MTOR: variants seen among roughly 807,000 people sequenced by gnomAD.
MTOR encodes serine/threonine-protein kinase mTOR.
MTOR carries 70 observed loss-of-function variants against 319.8 expected under a neutral mutation model. The ratio of observed to expected loss-of-function variants is 0.22; its 90% confidence interval spans 0.18 to 0.27. MTOR has a LOEUF of 0.27. Ranked by LOEUF, MTOR falls within the 10% of genes least tolerant of loss-of-function variation. The probability of loss-of-function intolerance (pLI) is 1.00; values close to 1 mark genes in which losing one functional copy is unlikely to be tolerated. For missense variants in MTOR, 1,890 were observed against 3,274.4 expected (o/e 0.58, Z 10.32); for synonymous variants, 1,183 against 1,211.4 (o/e 0.98, Z 0.49).
intron 28 of MTOR, among the ~76,000 whole-genome samples, chr1:11,198,847 AG>A (rs1439396949): frequency 1.3e-5 from 2 of 152,228 alleles, no homozygotes; most frequent in Admixed American, 1.3e-4. Context: ...AGGCATCAAT[AG>A]ATTTAGTTGA....
intron 3 of MTOR, among the ~76,000 whole-genome samples, chr1:11,258,111 A>C (rs1650661225): frequency 1.3e-5 from 2 of 151,618 alleles, no homozygotes; most frequent in Non-Finnish European, 2.9e-5. Context: ...CCATCTCAAA[A>C]AAAAAAAAAA....
At chr1:11,139,704 G>A in intron 34 of MTOR, 46 bp from the exon 35 acceptor site, 2 of 1,611,520 alleles carry the variant, frequency 1.2e-6, no homozygotes, top group Non-Finnish European at 1.7e-6. Context: ...CTGATACATT[G>A]TTTTTGTGGC....
intron 29 of MTOR, among the ~76,000 whole-genome samples, chr1:11,166,433 A>G (rs1486655507): frequency 6.6e-6 from 1 of 152,236 alleles, no homozygotes; most frequent in Admixed American, 6.5e-5. Context: ...AAAAGTGGGC[A>G]AAGGAGATGA....
chr1:11,204,083 T>C (rs1176067446), intron 26 of MTOR, among the ~76,000 whole-genome samples: 2 of 152,178 alleles, frequency 1.3e-5, no homozygotes, highest in African/African-American at 2.4e-5. Flanking sequence ...CAGCCTTGAA[T>C]GCGGATCCTC....
intron 36 of MTOR, among the ~76,000 whole-genome samples, chr1:11,136,058 C>T (rs888656302): frequency 6.6e-6 from 1 of 152,034 alleles, no homozygotes; most frequent in Non-Finnish European, 1.5e-5. Flanking sequence ...TTGCTTGAAC[C>T]TGGAGGCAGA....
At chr1:11,185,636 A>G (rs1645295131) in intron 28 of MTOR, among the ~76,000 whole-genome samples, 1 of 152,086 alleles carries the variant, frequency 6.6e-6, no homozygotes, top group African/African-American at 2.4e-5. Flanking sequence ...ACAGGACTCT[A>G]AGAGAAGGCC....
chr1:11,205,333 C>G (rs1026958584), intron 25 of MTOR, among the ~76,000 whole-genome samples: 1 of 152,134 alleles, frequency 6.6e-6, no homozygotes, highest in African/African-American at 2.4e-5. Context: ...GTGTAGTGGG[C>G]AACAGCTACA....
chr1:11,135,996 G>A (rs1190634489), intron 36 of MTOR, among the ~76,000 whole-genome samples: 4 of 152,042 alleles, frequency 2.6e-5, no homozygotes, highest in African/African-American at 4.8e-5. Context: ...TTAGCTGGGC[G>A]TGGTGGTGGC....
chr1:11,132,033 C>A (rs1643187953), intron 38 of MTOR: 1 of 152,126 alleles, frequency 6.6e-6, no homozygotes, highest in Non-Finnish European at 1.5e-5. Context: ...TCAAGGTGAA[C>A]AAGACAAACA....
At chr1:11,132,837 C>T (rs1333631850) in intron 38 of MTOR, 1 of 443,274 alleles carries the variant, frequency 2.3e-6, no homozygotes, top group East Asian at 3.8e-5. Context: ...GCAGCAATCC[C>T]CAACACCACA....
intron 29 of MTOR, among the ~76,000 whole-genome samples, chr1:11,161,634 G>A (rs942313441): frequency 2.6e-5 from 4 of 152,156 alleles, no homozygotes; most frequent in African/African-American, 9.7e-5. Context: ...TGCAATATTC[G>A]CTGTTCTGCA....
chr1:11,209,297 A>C lies in MTOR; in HGVS notation c.3801+15T>G, dbSNP rs1294252315. ...AGAGCTCTCCTTTCCCAGTCACCTG[A>C]AACAATGGACTTGCCTTTTGGAGGT... is the stretch of plus-strand genomic sequence containing the variant. On this transcript the variant is annotated intron_variant, in intron 25 of 57. Coordinates refer to ENST00000361445, the MANE Select transcript of MTOR (RefSeq NM_004958.4). 1.2e-6 allele frequency: 2 copies of C among 1,614,124 alleles called. No individual in the cohort carries two copies. The highest frequency in any genetic ancestry group is 1.3e-5 in the African/African-American group (1 of 75,052).
chr1:11,239,074 T>C (rs1179739474), intron 11 of MTOR, among the ~76,000 whole-genome samples: 3 of 152,086 alleles, frequency 2.0e-5, no homozygotes, highest in African/African-American at 7.2e-5. Context: ...GCGCCAGGCC[T>C]GACCCAGAAC....
intron 26 of MTOR, among the ~76,000 whole-genome samples, chr1:11,202,162 G>A (rs1213683257): frequency 6.6e-6 from 1 of 152,144 alleles, no homozygotes; most frequent in Non-Finnish European, 1.5e-5. Flanking sequence ...GGGCACAGTG[G>A]CTCATGCCTG....
At position 11,128,821 on chromosome 1, in the gene MTOR, G is replaced by C; in HGVS notation, c.5811+34C>G. The C allele has an allele frequency of 6.4e-7, 1 of 1,559,694 alleles. No individual in the cohort carries two copies. The highest frequency in any genetic ancestry group is 8.8e-7 in the Non-Finnish European group (1 of 1,133,108). On this transcript the variant is annotated intron_variant, in intron 41 of 57. Coordinates refer to ENST00000361445, the MANE Select transcript of MTOR (RefSeq NM_004958.4). This position sits in a 1 kb window ranked among gnomAD's most constrained non-coding sequence, Gnocchi z 5.3. ...GAGGAGACACACAGAAGAGAGACTT[G>C]GAGCCACCTTCACCTGTAACCAAGT...
chr1:11,136,337 C>A (rs1643415693), intron 36 of MTOR, among the ~76,000 whole-genome samples: 1 of 152,224 alleles, frequency 6.6e-6, no homozygotes, highest in African/African-American at 2.4e-5. Context: ...GAGGACAGGG[C>A]AGGCACACAG....
chr1:11,177,321 G>T (rs1182434305), intron 28 of MTOR, among the ~76,000 whole-genome samples: 1 of 152,144 alleles, frequency 6.6e-6, no homozygotes, highest in Admixed American at 6.5e-5. Context: ...ACCTTGGGAG[G>T]CCGAGACAGG....
Position 11,210,808 on chromosome 1 carries a change from G to C in MTOR, c.3654+6C>G, listed in dbSNP as rs1441155947. ...GACTTCAGAACAGAAAAGAAGTATA[G>C]TTCACCTTGACAATTCTGCAGATGA... On this transcript the variant is annotated splice_donor_region_variant and intron_variant, in intron 24 of 57. Transcript: ENST00000361445. 11 of 1,599,402 alleles carry C rather than the reference G, an allele frequency of 6.9e-6. No individual in the cohort carries two copies. Among genetic ancestry groups the C allele is most frequent in the Non-Finnish European group, 9.4e-6 (11 of 1,168,436 alleles).
intron 29 of MTOR, among the ~76,000 whole-genome samples, chr1:11,162,132 T>C (rs1189754666): frequency 6.6e-6 from 1 of 152,172 alleles, no homozygotes; most frequent in African/African-American, 2.4e-5. Context: ...AACTACGTGA[T>C]GCATGCACAA....
Sources: allele counts gnomAD v4.1 joint callset (sites outside exome capture counted in the v4.1 genomes callset), GRCh38; gene constraint gnomAD v4.1.1; non-coding constraint Gnocchi (gnomAD v3.1); transcripts MANE v1.5; gene names NCBI Gene and HGNC (gene_info 2026-07-23, HGNC 2026-07-21).